Variants in PDE4D observed in about 807,000 individuals in gnomAD.
The protein encoded by PDE4D is phosphodiesterase 4D.
In PDE4D, 24 loss-of-function variants were observed where a neutral mutation model predicts 87.4. The ratio of observed to expected loss-of-function variants is 0.27; its 90% CI spans 0.20 to 0.39. The LOEUF (loss-of-function observed/expected upper bound fraction) is 0.39, where lower values mean the gene tolerates loss of function less well. Among genes scored for constraint, PDE4D ranks in the 10% least tolerant of loss-of-function variants. PDE4D has a pLI of 1.00. For synonymous variants in PDE4D, 384 were observed against 383.2 expected (o/e 1.00, Z -0.02); for missense variants, 714 against 1,041.0 (o/e 0.69, Z 4.32).
intron 1 of PDE4D, among the ~76,000 whole-genome samples, chr5:60,495,385 C>T (rs1749758232): frequency 6.6e-6 from 1 of 152,118 alleles, no homozygotes; most frequent in Non-Finnish European, 1.5e-5. Flanking sequence ...ATGGTAGATC[C>T]CTGGCTCCCA....
chr5:59,156,320 A>AAATATATATATATATAT (rs548335725), intron 5 of PDE4D, among the ~76,000 whole-genome samples: 2 of 81,780 alleles, frequency 2.4e-5, no homozygotes, highest in Admixed American at 1.4e-4. Context: ...AAAAAAAAAA[A>AAATATATATATATATAT]ATATATATAT....
chr5:60,380,087 C>T (rs762171647), intron 1 of PDE4D, among the ~76,000 whole-genome samples: 12 of 152,098 alleles, frequency 7.9e-5, no homozygotes, highest in South Asian at 2.1e-4. Context: ...GTTTCACTTG[C>T]GTATAGGAAA....
At chr5:59,978,553 T>A (rs1390619367) in intron 3 of PDE4D, among the ~76,000 whole-genome samples, 3 of 152,178 alleles carry the variant, frequency 2.0e-5, no homozygotes, top group Admixed American at 2.0e-4. Context: ...TGAGACAGAA[T>A]CTACTTCTGG....
chr5:59,739,642 G>A (rs977682576), intron 1 of PDE4D, among the ~76,000 whole-genome samples: 4 of 152,080 alleles, frequency 2.6e-5, no homozygotes, highest in Non-Finnish European at 4.4e-5. Context: ...GTGATACAGC[G>A]ATACAGCAGT....
intron 1 of PDE4D, among the ~76,000 whole-genome samples, chr5:59,891,235 A>G (rs1750908614): frequency 6.6e-6 from 1 of 152,214 alleles, no homozygotes; most frequent in Non-Finnish European, 1.5e-5. Flanking sequence ...CAATACCTCT[A>G]TTCCAATTAG....
At chr5:60,408,551 A>G (rs949047068) in intron 1 of PDE4D, among the ~76,000 whole-genome samples, 2 of 152,216 alleles carry the variant, frequency 1.3e-5, no homozygotes, top group African/African-American at 4.8e-5. Flanking sequence ...CTTTGCCTGG[A>G]AAGTCTTGCC....
At chr5:58,985,967 C>T (rs1316853178) in intron 11 of PDE4D, among the ~76,000 whole-genome samples, 1 of 152,204 alleles carries the variant, frequency 6.6e-6, no homozygotes, top group Non-Finnish European at 1.5e-5. Context: ...CGGAACAACC[C>T]TGGGATACTT....
intron 6 of PDE4D, among the ~76,000 whole-genome samples, chr5:59,037,051 G>A (rs528614183): frequency 6.6e-6 from 1 of 151,972 alleles, no homozygotes; most frequent in African/African-American, 2.4e-5. Flanking sequence ...TAAAAGAAAG[G>A]AATCATTTTA....
intron 1 of PDE4D, among the ~76,000 whole-genome samples, chr5:60,518,360 G>A (rs1322920150): frequency 2.0e-5 from 3 of 152,192 alleles, no homozygotes; most frequent in African/African-American, 4.8e-5. Context: ...GTTTCTGGCT[G>A]GCAAAGCAAC....
intron 1 of PDE4D, among the ~76,000 whole-genome samples, chr5:59,794,682 T>C (rs1271511911): frequency 6.6e-6 from 1 of 152,138 alleles, no homozygotes; most frequent in African/African-American, 2.4e-5. Context: ...AGTGAAAATA[T>C]AATAAAACAA....
At chr5:59,501,688 C>G (rs570699312) in intron 1 of PDE4D, among the ~76,000 whole-genome samples, 9 of 152,122 alleles carry the variant, frequency 5.9e-5, no homozygotes, top group African/African-American at 2.2e-4. Context: ...AAGGAAAAAG[C>G]TTAAAAAATA....
At chr5:59,172,338 A>G in intron 5 of PDE4D, among the ~76,000 whole-genome samples, 1 of 133,338 alleles carries the variant, frequency 7.5e-6, no homozygotes, top group Non-Finnish European at 1.5e-5. Context: ...TATATAATAT[A>G]TTATATATTA....
intron 1 of PDE4D, among the ~76,000 whole-genome samples, chr5:59,453,822 T>G (rs1055492596): frequency 3.3e-5 from 5 of 152,232 alleles, no homozygotes; most frequent in African/African-American, 1.2e-4. Flanking sequence ...TCATTGAAAC[T>G]ACATTAAACA....
intron 5 of PDE4D, among the ~76,000 whole-genome samples, chr5:59,040,438 T>C (rs1759489915): frequency 6.6e-6 from 1 of 152,238 alleles, no homozygotes; most frequent in African/African-American, 2.4e-5. Context: ...CCCCTGTGAA[T>C]TGCATAAGAC....
chr5:60,249,190 T>C (rs1372521650), intron 1 of PDE4D, among the ~76,000 whole-genome samples: 1 of 152,034 alleles, frequency 6.6e-6, no homozygotes, highest in African/African-American at 2.4e-5. Context: ...GGAGGTACAA[T>C]GCTTTAGGGA....
chr5:60,231,439 T>G (rs1243837921), intron 1 of PDE4D, among the ~76,000 whole-genome samples: 2 of 151,758 alleles, frequency 1.3e-5, no homozygotes, highest in Admixed American at 1.3e-4. Context: ...ATGAAGCCAA[T>G]AAAGAGAAAA....
chr5:59,500,735 G>A (rs896058847), intron 1 of PDE4D, among the ~76,000 whole-genome samples: 5 of 152,080 alleles, frequency 3.3e-5, no homozygotes, highest in African/African-American at 9.7e-5. Context: ...AAGCCTGCAC[G>A]TGTACTCCCT....
intron 1 of PDE4D, among the ~76,000 whole-genome samples, chr5:59,874,484 A>T (rs562931780): frequency 7.9e-4 from 121 of 152,334 alleles, no homozygotes; most frequent in Non-Finnish European, 1.4e-3. Context: ...GACTGTAGAT[A>T]ATAGAGTTAT....
intron 2 of PDE4D, among the ~76,000 whole-genome samples, chr5:60,105,693 A>C (rs567323965): frequency 6.6e-6 from 1 of 151,148 alleles, no homozygotes; most frequent in Non-Finnish European, 1.5e-5. Flanking sequence ...CCAGAAGATA[A>C]TGGGGGCCAA....
Sources: allele counts gnomAD v4.1 joint callset (sites outside exome capture counted in the v4.1 genomes callset), GRCh38; gene constraint gnomAD v4.1.1; transcripts MANE v1.5; gene names NCBI Gene and HGNC (gene_info 2026-07-23, HGNC 2026-07-21).